Variants in ZNG1E observed in about 807,000 individuals in gnomAD.
ZNG1E encodes the protein zinc-regulated GTPase metalloprotein activator 1E.
chr9:65,687,565 A>G, the ZNG1E span, among the ~76,000 whole-genome samples: 261 of 152,178 alleles, frequency 1.7e-3, no homozygotes, highest in African/African-American at 5.9e-3. Flanking sequence ...TTCTTTGTCC[A>G]ATGTTTTCTC....
the ZNG1E span, among the ~76,000 whole-genome samples, chr9:65,693,822 G>A: frequency 6.6e-6 from 1 of 151,808 alleles, no homozygotes; most frequent in Non-Finnish European, 1.5e-5. Flanking sequence ...CTCCCAAAGT[G>A]CTGGGATTAC....
chr9:65,717,753 T>C, the ZNG1E span, among the ~76,000 whole-genome samples: 3 of 148,110 alleles, frequency 2.0e-5, no homozygotes, highest in Non-Finnish European at 4.4e-5. Flanking sequence ...AGTGGTGCGA[T>C]GTCAGCTCCC....
At chr9:65,725,548 G>C in the ZNG1E span, among the ~76,000 whole-genome samples, 2 of 125,594 alleles carry the variant, frequency 1.6e-5, 1 homozygote, top group East Asian at 4.1e-4. Flanking sequence ...ATTTCACTTA[G>C]TGTAATGTCC....
chr9:65,660,603 CTAAA>C, the ZNG1E span, among the ~76,000 whole-genome samples: 1 of 151,874 alleles, frequency 6.6e-6, no homozygotes, highest in Admixed American at 6.6e-5. Context: ...TTTACTAAGG[CTAAA>C]TAAACAAACT....
chr9:65,687,872 CTAAG>C, the ZNG1E span, among the ~76,000 whole-genome samples: 2 of 150,430 alleles, frequency 1.3e-5, no homozygotes, highest in South Asian at 4.2e-4. Flanking sequence ...CAAGGTATAT[CTAAG>C]TGTCACTTAT....
At chr9:65,658,259 C>T in the ZNG1E span, among the ~76,000 whole-genome samples, 3 of 152,106 alleles carry the variant, frequency 2.0e-5, no homozygotes, top group Non-Finnish European at 2.9e-5. Flanking sequence ...CAGTCTTATG[C>T]TATTTCAGAA....
chr9:65,719,817 T>C, the ZNG1E span: 1 of 586,070 alleles, frequency 1.7e-6, no homozygotes, highest in East Asian at 2.8e-5. Flanking sequence ...CTTTATTCTG[T>C]GCATATGTAT....
the ZNG1E span, among the ~76,000 whole-genome samples, chr9:65,693,950 C>T: frequency 6.6e-6 from 1 of 150,526 alleles, no homozygotes; most frequent in African/African-American, 2.4e-5. Context: ...CAAATAGCTA[C>T]CAATACCTCT....
the ZNG1E span, among the ~76,000 whole-genome samples, chr9:65,658,987 T>C: frequency 6.6e-6 from 1 of 151,944 alleles, no homozygotes; most frequent in African/African-American, 2.4e-5. Context: ...TCTAAACTAC[T>C]GGGGGTTAGG....
the ZNG1E span, among the ~76,000 whole-genome samples, chr9:65,664,706 T>C: frequency 6.6e-6 from 1 of 151,952 alleles, no homozygotes; most frequent in Non-Finnish European, 1.5e-5. Flanking sequence ...GGAACAGTTT[T>C]GAGGGCTCAG....
the ZNG1E span, among the ~76,000 whole-genome samples, chr9:65,684,847 A>G: frequency 1.3e-5 from 2 of 152,210 alleles, no homozygotes; most frequent in East Asian, 1.9e-4. Flanking sequence ...ACTGAATATC[A>G]CAATAGAGTG....
the ZNG1E span, among the ~76,000 whole-genome samples, chr9:65,662,809 TAACA>T: frequency 1.3e-5 from 2 of 152,008 alleles, no homozygotes; most frequent in African/African-American, 2.4e-5. Flanking sequence ...TTTTTCTACC[TAACA>T]ATGTATCTTT....
At chr9:65,687,751 A>G in the ZNG1E span, among the ~76,000 whole-genome samples, 19 of 147,386 alleles carry the variant, frequency 1.3e-4, no homozygotes, top group Non-Finnish European at 1.5e-4. Context: ...ATCTAGTGTT[A>G]CTGTAGAAAA....
the ZNG1E span, among the ~76,000 whole-genome samples, chr9:65,687,516 A>G: frequency 6.6e-6 from 1 of 152,260 alleles, no homozygotes; most frequent in Non-Finnish European, 1.5e-5. Context: ...AACTTTGTAA[A>G]TGTTGTTCCA....
the ZNG1E span, among the ~76,000 whole-genome samples, chr9:65,720,735 TCTTC>T: frequency 6.9e-6 from 1 of 144,078 alleles, no homozygotes; most frequent in Admixed American, 7.0e-5. Flanking sequence ...GTGTGCCTAA[TCTTC>T]CTTCCTCTCT....
the ZNG1E span, among the ~76,000 whole-genome samples, chr9:65,698,872 TTATATA>T: frequency 7.4e-6 from 1 of 135,224 alleles, no homozygotes; most frequent in African/African-American, 3.0e-5. Flanking sequence ...TGAAGATTTT[TTATATA>T]TATATATATG....
chr9:65,728,845 A>C, the ZNG1E span, among the ~76,000 whole-genome samples: 1 of 151,326 alleles, frequency 6.6e-6, no homozygotes, highest in Non-Finnish European at 1.5e-5. Flanking sequence ...GAAAGAAGGA[A>C]TCCTCCCTAA....
the ZNG1E span, among the ~76,000 whole-genome samples, chr9:65,678,329 TA>T: frequency 6.8e-6 from 1 of 146,252 alleles, no homozygotes; most frequent in African/African-American, 2.6e-5. Flanking sequence ...TAAAGTACTC[TA>T]AATATAAGCC....
the ZNG1E span, among the ~76,000 whole-genome samples, chr9:65,716,726 A>G: frequency 6.7e-6 from 1 of 149,494 alleles, no homozygotes; most frequent in African/African-American, 2.5e-5. Context: ...GAAGTGTGGG[A>G]CAGGCAGGGC....
Sources: gnomAD v4.1 joint callset for allele counts (sites outside exome capture counted in the v4.1 genomes callset) on GRCh38, gnomAD v4.1.1 for gene constraint, MANE v1.5 for transcripts, NCBI Gene and HGNC (gene_info 2026-07-23, HGNC 2026-07-21) for gene names.